The following GJA8 variants were observed in gnomAD, a reference collection of about 807,000 sequenced individuals.
GJA8 encodes the protein gap junction alpha-8 protein.
In GJA8, 13 loss-of-function variants were observed where a neutral mutation model predicts 15.3. The ratio of observed to expected loss-of-function variants is 0.85; its 90% CI spans 0.55 to 1.35. GJA8 has a LOEUF of 1.35. Among genes scored for constraint, GJA8 ranks in the 40% most tolerant of loss-of-function variants. GJA8 has a pLI of 0.00. For synonymous variants in GJA8, 304 were observed against 238.7 expected, an observed-to-expected ratio of 1.27 and a Z score of -2.52; for missense variants, 607 against 553.3, an observed-to-expected ratio of 1.10 and a Z score of -0.97.
rs1553242928 is a variant in GJA8 at position 147,908,944 on chromosome 1, A to G, written c.989A>G (p.Glu330Gly). ...LPSYAQVGAQ[E>G]VEGEGPPAEE... The stretch of plus-strand genomic sequence containing the variant: ...TCCTACGCTCAGGTGGGGGCACAAG[A>G]AGTGGAGGGCGAGGGGCCGCCTGCA... The change falls in exon 2 of 2, where the codon GAA becomes GGA. Residue 330 changes from glutamate (E) to glycine (G), a missense_variant. Coordinates refer to ENST00000369235, the MANE Select transcript of GJA8 (RefSeq NM_005267.5). The G allele has an allele frequency of 6.2e-7, 1 of 1,608,510 alleles. No individual in the cohort carries two copies. Among genetic ancestry groups the G allele is most frequent in the Admixed American group, 1.7e-5 (1 of 59,472 alleles).
At chr1:147,904,591 A>G (rs782364042) in intron 1 of GJA8, among the ~76,000 whole-genome samples, 2 of 152,222 alleles carry the variant, frequency 1.3e-5, no homozygotes, top group African/African-American at 4.8e-5. Context: ...ACAGAGAATT[A>G]TCTCTGAGAA....
At chr1:147,913,208 T>A (rs587719534), downstream of GJA8, among the ~76,000 whole-genome samples, 1 of 152,256 alleles carries the variant, frequency 6.6e-6, no homozygotes, top group East Asian at 1.9e-4. Flanking sequence ...AGCTCACTAA[T>A]TTGGAAATAA....
In GJA8 at chr1:147,908,112, G is replaced by A. The variant is rs782396294; in HGVS notation, c.157G>A (p.Val53Met). The A allele has an allele frequency of 1.2e-6, 2 of 1,614,208 alleles. No homozygotes were observed. Among genetic ancestry groups the A allele is most frequent in the South Asian group, 2.2e-5 (2 of 91,084 alleles). Residue 53 changes from valine to methionine, a missense_variant, in exon 2 of 2, where the codon GTG (valine) becomes ATG (methionine). Physicochemically the swap from Val to Met is conservative, Grantham distance 21 (BLOSUM62 1). Transcript: ENST00000369235. ...GTGGGGGGATGAGCAATCCGACTTC[G>A]TGTGCAACACCCAGCAGCCTGGCTG... Reference protein sequence around the residue: ...FVWGDEQSDFVCNTQQPGCEN... With the variant: ...FVWGDEQSDFMCNTQQPGCEN...
At chr1:147,909,560 A>C (rs1270943785), downstream of GJA8, among the ~76,000 whole-genome samples, 2 of 152,172 alleles carry the variant, frequency 1.3e-5, no homozygotes. Flanking sequence ...TTCTCCATAG[A>C]AACCCTTAAA....
downstream of GJA8, among the ~76,000 whole-genome samples, chr1:147,911,239 A>G (rs369167658): frequency 5.3e-5 from 8 of 152,250 alleles, no homozygotes; most frequent in East Asian, 1.4e-3. Flanking sequence ...AAGTATATCA[A>G]TCCCCTTTGC....
intron 1 of GJA8, among the ~76,000 whole-genome samples, chr1:147,907,258 G>C (rs1651836258): frequency 1.3e-5 from 2 of 152,168 alleles, no homozygotes; most frequent in Non-Finnish European, 2.9e-5. Flanking sequence ...GTGCTGGGCT[G>C]TATGTCAGGC....
downstream of GJA8, among the ~76,000 whole-genome samples, chr1:147,910,819 G>C (rs1652087272): frequency 6.6e-6 from 1 of 152,178 alleles, no homozygotes; most frequent in South Asian, 2.1e-4. Context: ...TGCTCACACA[G>C]CCAGGATCCC....
Position 147,908,759 on chromosome 1 carries a change from C to A in GJA8, c.804C>A (p.Leu268=), listed in dbSNP as rs3766503. The A allele has an allele frequency of 6.2e-7, 1 of 1,614,078 alleles. No homozygotes were observed. The highest frequency in any genetic ancestry group is 8.5e-7 in the Non-Finnish European group (1 of 1,179,974). The change falls in exon 2 of 2, where the codon CTC becomes CTA. Residue 268 remains leucine (L), a synonymous_variant. Coordinates refer to ENST00000369235, the MANE Select transcript of GJA8 (RefSeq NM_005267.5). ...SSIQKAKGYQ[L]LEEEKIVSHY... ...TCCAGAAAGCCAAGGGCTATCAGCT[C>A]CTAGAAGAAGAGAAAATCGTTTCCC...
intron 1 of GJA8, among the ~76,000 whole-genome samples, chr1:147,905,543 C>G (rs1380391831): frequency 2.6e-5 from 4 of 152,216 alleles, no homozygotes; most frequent in Admixed American, 2.6e-4. Flanking sequence ...TATAGAAGTA[C>G]AGTTATTCAA....
At position 147,908,974 on chromosome 1, in the gene GJA8, A is replaced by G; in HGVS notation, c.1019A>G (p.Glu340Gly). 6.3e-7 allele frequency: 1 copy of G among 1,599,912 alleles called. No homozygotes were observed. The highest frequency in any genetic ancestry group is 8.5e-7 in the Non-Finnish European group (1 of 1,171,946). The change falls in exon 2 of 2, where the codon GAG (glutamate) becomes GGG (glycine). Residue 340 changes from glutamate to glycine, a missense_variant. Coordinates refer to ENST00000369235, the MANE Select transcript of GJA8 (RefSeq NM_005267.5). ...EVEGEGPPAE[E>G]GAEPEVGEKK... The stretch of plus-strand genomic sequence containing the variant: ...GAGGGCGAGGGGCCGCCTGCAGAGG[A>G]GGGAGCCGAACCCGAGGTGGGAGAG...
intron 1 of GJA8, among the ~76,000 whole-genome samples, chr1:147,903,934 CT>C (rs56033018): frequency 1.2e-4 from 16 of 134,580 alleles, no homozygotes; most frequent in Admixed American, 3.2e-4. Flanking sequence ...TTTAATAACT[CT>C]TTTTTTTTTT....
intron 1 of GJA8, among the ~76,000 whole-genome samples, 188 bp downstream of exon 1, chr1:147,903,049 G>A (rs782512871): frequency 1.3e-5 from 2 of 152,196 alleles, no homozygotes; most frequent in South Asian, 4.1e-4. Context: ...CTAAGAACTG[G>A]CAGAGGTTTG....
At chr1:147,913,376 A>AG (rs1652256244), downstream of GJA8, among the ~76,000 whole-genome samples, 1 of 152,176 alleles carries the variant, frequency 6.6e-6, no homozygotes, top group South Asian at 2.1e-4. Context: ...ATAAATTTGG[A>AG]GGGGCAGCAG....
chr1:147,908,962 C>A lies in GJA8; in HGVS notation c.1007C>A (p.Pro336Gln), dbSNP rs140686949. The change falls in exon 2 of 2, where the codon CCG (proline) becomes CAG (glutamine). Residue 336 changes from proline to glutamine, a missense_variant. Physicochemically the swap from Pro to Gln is moderately conservative, Grantham distance 76 (BLOSUM62 -1). Coordinates refer to ENST00000369235, the MANE Select transcript of GJA8 (RefSeq NM_005267.5). ...VGAQEVEGEG[P>Q]PAEEGAEPEV... ...GCACAAGAAGTGGAGGGCGAGGGGCCGCCTGCAGAGGAGGGAGCCGAACCC... is the reference window on the plus strand; with the variant it reads ...GCACAAGAAGTGGAGGGCGAGGGGCAGCCTGCAGAGGAGGGAGCCGAACCC... 6.2e-6 allele frequency: 10 copies of A among 1,603,054 alleles called. No individual in the cohort carries two copies. The Admixed American group carries it at 1.5e-4, about 25-fold the overall frequency.
intron 1 of GJA8, among the ~76,000 whole-genome samples, chr1:147,907,348 G>T (rs1553242402): frequency 6.6e-6 from 1 of 152,176 alleles, no homozygotes; most frequent in East Asian, 1.9e-4. Context: ...CAAGTTAAAT[G>T]AAATAATATA....
rs782184691 is a variant in GJA8 at position 147,908,085 on chromosome 1, G to C, written c.130G>C (p.Val44Leu). Residue 44 changes from valine (V) to leucine (L), a missense_variant, in exon 2 of 2, where the codon GTG becomes CTG. Coordinates refer to ENST00000369235, the MANE Select transcript of GJA8 (RefSeq NM_005267.5). ...CATCCTTGGCACGGCCGCAGAGTTCGTGTGGGGGGATGAGCAATCCGACTT... is the reference window on the plus strand; with the variant it reads ...CATCCTTGGCACGGCCGCAGAGTTCCTGTGGGGGGATGAGCAATCCGACTT... ...ILILGTAAEFVWGDEQSDFVC... is the reference protein window; with the variant it reads ...ILILGTAAEFLWGDEQSDFVC... The C allele has an allele frequency of 3.1e-6, 5 of 1,614,172 alleles. No individual in the cohort carries two copies. Among genetic ancestry groups the C allele is most frequent in the East Asian group, 2.2e-5 (1 of 44,866 alleles).
At position 147,908,738 on chromosome 1, in the gene GJA8, G is replaced by A. The variant is rs1651936099; in HGVS notation, c.783G>A (p.Gln261=). 2 of 1,614,032 alleles carry A rather than the reference G, an allele frequency of 1.2e-6. No individual in the cohort carries two copies. Among genetic ancestry groups the A allele is most frequent in the Non-Finnish European group, 1.7e-6 (2 of 1,180,006 alleles). ...SLHSIAVSSI[Q]KAKGYQLLEE... is the part of the protein sequence containing the mutation. ...ACTCCATTGCTGTCTCCTCCATCCAGAAAGCCAAGGGCTATCAGCTCCTAG... is the reference window on the plus strand; with the variant it reads ...ACTCCATTGCTGTCTCCTCCATCCAAAAAGCCAAGGGCTATCAGCTCCTAG... Residue 261 remains glutamine (Q), a synonymous_variant, in exon 2 of 2, where the codon CAG becomes CAA. Transcript: ENST00000369235.
At chr1:147,907,826 T>C in intron 1 of GJA8, 119 bp from the exon 2 acceptor site, 1 of 765,284 alleles carries the variant, frequency 1.3e-6, no homozygotes, top group Non-Finnish European at 2.3e-6. Flanking sequence ...AGACGCTGTG[T>C]GCACATTGAC....
At chr1:147,904,747 C>CCTTAA (rs1553242061) in intron 1 of GJA8, among the ~76,000 whole-genome samples, 1 of 152,170 alleles carries the variant, frequency 6.6e-6, no homozygotes, top group Non-Finnish European at 1.5e-5. Context: ...AAGTGTCTCT[C>CCTTAA]CTTAACAGCA....
Sources: allele counts gnomAD v4.1 joint callset (sites outside exome capture counted in the v4.1 genomes callset), GRCh38; gene constraint gnomAD v4.1.1; transcripts MANE v1.5; gene names NCBI Gene and HGNC (gene_info 2026-07-23, HGNC 2026-07-21).